Variants in CALN1 observed in about 807,000 individuals in gnomAD.
The protein encoded by CALN1 is calneuron 1, also known as calcium-binding protein 8.
Under a neutral mutation model 30.6 loss-of-function variants are expected in CALN1, and 17 were observed. The observed-to-expected ratio is 0.56, with a 90% confidence interval of 0.38 to 0.83. The LOEUF is 0.83. Among genes scored for constraint, CALN1 ranks in the 40% least tolerant of loss-of-function variants. The probability of loss-of-function intolerance (pLI) is 0.00; values close to 1 mark genes in which losing one functional copy is unlikely to be tolerated. For synonymous variants in CALN1, 156 were observed against 131.4 expected, an observed-to-expected ratio of 1.19 and a Z score of -1.28; for missense variants, 291 against 354.9, an observed-to-expected ratio of 0.82 and a Z score of 1.45.
At chr7:71,819,285 T>C (rs1788456669) in intron 5 of CALN1, among the ~76,000 whole-genome samples, 1 of 151,792 alleles carries the variant, frequency 6.6e-6, no homozygotes, top group South Asian at 2.1e-4. Flanking sequence ...CTTGGCTCAC[T>C]GCAACCTCCA....
At chr7:71,825,850 C>T (rs988474236) in intron 5 of CALN1, among the ~76,000 whole-genome samples, 5 of 151,752 alleles carry the variant, frequency 3.3e-5, no homozygotes, top group Admixed American at 6.6e-5. Flanking sequence ...CTGACCAACA[C>T]GGTGAAACCC....
At chr7:72,424,341 G>C (rs765690578) in intron 1 of CALN1, among the ~76,000 whole-genome samples, 11 of 152,140 alleles carry the variant, frequency 7.2e-5, no homozygotes, top group Non-Finnish European at 1.5e-4. Flanking sequence ...GGACCCACTT[G>C]AGTTGAGTCA....
At position 71,833,088 on chromosome 7, in the gene CALN1, A is replaced by G. The variant is rs1158056273; in HGVS notation, c.502-22596T>C. Among the ~76,000 whole-genome samples, 4 of 152,228 alleles carry G rather than the reference A, an allele frequency of 2.6e-5. 1 individual carries two copies. In the East Asian group the frequency reaches 5.8e-4, roughly 22 times the overall value. ...CCATTCTCTGACGTGTCCTTCTCCA[A>G]AGTGATTCCTCCTTTAGGCCTCAAC... On this transcript the variant is annotated intron_variant, in intron 5 of 6. Transcript: ENST00000395275.
intron 5 of CALN1, among the ~76,000 whole-genome samples, chr7:71,975,184 G>A (rs1798044025): frequency 6.6e-6 from 1 of 152,132 alleles, no homozygotes; most frequent in Non-Finnish European, 1.5e-5. Context: ...TGCAACAGAG[G>A]CACATTTAGG....
At chr7:71,856,171 C>T (rs565472216) in intron 5 of CALN1, among the ~76,000 whole-genome samples, 1 of 151,230 alleles carries the variant, frequency 6.6e-6, no homozygotes, top group African/African-American at 2.4e-5. Flanking sequence ...TATATACAGC[C>T]CTTGCCTGGG....
chr7:72,242,205 A>G (rs7790803), intron 3 of CALN1, among the ~76,000 whole-genome samples: 81,908 of 151,948 alleles, frequency 0.54, 22,295 homozygotes, highest in South Asian at 0.65. Context: ...TGTGTGTCAG[A>G]ATGTCCTTCC....
chr7:71,793,849 G>A (rs551580394), intron 6 of CALN1, among the ~76,000 whole-genome samples: 1 of 151,010 alleles, frequency 6.6e-6, no homozygotes, highest in South Asian at 2.1e-4. Context: ...GGGTGACAGA[G>A]CAAGACTGTC....
At chr7:72,257,279 G>A (rs1795978109) in intron 3 of CALN1, among the ~76,000 whole-genome samples, 2 of 151,978 alleles carry the variant, frequency 1.3e-5, no homozygotes, top group Non-Finnish European at 1.5e-5. Context: ...TTGCAATTTG[G>A]ATTACAATTG....
intron 5 of CALN1, among the ~76,000 whole-genome samples, chr7:72,023,194 T>C (rs1348734844): frequency 6.6e-6 from 1 of 152,152 alleles, no homozygotes; most frequent in Non-Finnish European, 1.5e-5. Context: ...TTTTACAAGA[T>C]AGAAACAGGA....
intron 3 of CALN1, among the ~76,000 whole-genome samples, chr7:72,201,766 G>A (rs1791447583): frequency 7.0e-6 from 1 of 143,226 alleles, no homozygotes; most frequent in Non-Finnish European, 1.5e-5. Flanking sequence ...AGCAGTAACT[G>A]TAGTAAGCAA....
At chr7:72,371,793 T>C (rs1482257485) in intron 2 of CALN1, among the ~76,000 whole-genome samples, 1 of 152,232 alleles carries the variant, frequency 6.6e-6, no homozygotes, top group Non-Finnish European at 1.5e-5. Context: ...TGCATCTTAG[T>C]CCAGGAATCA....
intron 5 of CALN1, among the ~76,000 whole-genome samples, chr7:71,868,871 G>A (rs1791754623): frequency 1.3e-5 from 2 of 152,184 alleles, no homozygotes; most frequent in Admixed American, 6.5e-5. Flanking sequence ...GATAATAAGA[G>A]TTCAATCACT....
intron 3 of CALN1, among the ~76,000 whole-genome samples, chr7:72,141,294 AAAAAG>A (rs144560253): frequency 0.026 from 3,913 of 152,098 alleles, 175 homozygotes; most frequent in African/African-American, 0.089. Context: ...CCTGTCTTAA[AAAAAG>A]AAAAGAAAAA....
At chr7:72,358,354 T>C (rs930791104) in intron 2 of CALN1, among the ~76,000 whole-genome samples, 11 of 152,012 alleles carry the variant, frequency 7.2e-5, no homozygotes, top group Non-Finnish European at 1.6e-4. Flanking sequence ...TCTGGATCTC[T>C]ATATTTCCTC....
chr7:72,043,759 A>G (rs1802280767), intron 4 of CALN1, among the ~76,000 whole-genome samples: 1 of 152,154 alleles, frequency 6.6e-6, no homozygotes, highest in South Asian at 2.1e-4. Flanking sequence ...CTCAAATAAA[A>G]AAGAGGTAAA....
At chr7:71,828,714 GTA>G (rs914116796) in intron 5 of CALN1, among the ~76,000 whole-genome samples, 7 of 142,256 alleles carry the variant, frequency 4.9e-5, no homozygotes, top group African/African-American at 9.0e-5. Context: ...ATATATATAT[GTA>G]TATGTGTGTG....
chr7:71,897,774 T>C (rs1166632124), intron 5 of CALN1, among the ~76,000 whole-genome samples: 4 of 151,146 alleles, frequency 2.6e-5, no homozygotes, highest in Non-Finnish European at 5.9e-5. Context: ...TAGTGTGGCC[T>C]ATGAAGAGAC....
chr7:71,980,659 C>T (rs1270809082), intron 5 of CALN1, among the ~76,000 whole-genome samples: 3 of 152,278 alleles, frequency 2.0e-5, no homozygotes, highest in African/African-American at 4.8e-5. Flanking sequence ...CTTCCACGCC[C>T]TCTGCAACAT....
At position 72,171,136 on chromosome 7, in the gene CALN1, TG is replaced by T. The variant is rs544156471; in HGVS notation, c.245-64843del. Among the ~76,000 whole-genome samples the T allele has an allele frequency of 2.1e-4, 32 of 152,196 alleles. No homozygotes were observed. In the East Asian group the frequency reaches 5.2e-3, roughly 25 times the overall value. ...CTGCACCACTGCACTCCAGCCTGGG[TG>T]ACAGAGTGAGAGTCAGTCTCAAAAC... is the stretch of plus-strand genomic sequence containing the variant. On this transcript the variant is annotated intron_variant, in intron 3 of 6. Transcript: ENST00000395275.
Sources: gnomAD v4.1 joint callset for allele counts (sites outside exome capture counted in the v4.1 genomes callset) on GRCh38, gnomAD v4.1.1 for gene constraint, MANE v1.5 for transcripts, NCBI Gene and HGNC (gene_info 2026-07-23, HGNC 2026-07-21) for gene names.